The following CACHD1 variants were observed in gnomAD, a reference collection of about 807,000 sequenced individuals.
CACHD1 encodes the protein VWFA and cache domain-containing protein 1.
A neutral mutation model predicts 138.7 loss-of-function variants in CACHD1; 71 were observed. That is an observed-to-expected ratio of 0.51 (90% CI 0.42 to 0.62). CACHD1 has a LOEUF of 0.62. Ranked by LOEUF, CACHD1 falls within the 20% of genes least tolerant of loss-of-function variation. CACHD1 has a pLI of 0.00. For missense variants in CACHD1, 1,389 were observed against 1,625.3 expected (o/e 0.85, Z 2.50); for synonymous variants, 578 against 591.5 (o/e 0.98, Z 0.33).
intron 26 of CACHD1, among the ~76,000 whole-genome samples, chr1:64,685,010 T>C (rs1557557831): frequency 6.6e-6 from 1 of 152,126 alleles, no homozygotes; most frequent in Non-Finnish European, 1.5e-5. Flanking sequence ...GGTTTTTCCA[T>C]GTTGGTCAGG....
rs535825672 is a variant in CACHD1 at position 64,567,344 on chromosome 1, T to A, written c.262-14812T>A. 1.3e-3 allele frequency among the ~76,000 whole-genome samples: 204 copies of A among 152,188 alleles called. 2 individuals carry two copies. Among genetic ancestry groups the A allele is most frequent in the African/African-American group, 4.8e-3 (199 of 41,518 alleles). On this transcript the variant is annotated intron_variant, in intron 2 of 26. Coordinates refer to ENST00000651257, the MANE Select transcript of CACHD1 (RefSeq NM_020925.4). ...CATCTAGTGTGGCATTACCTTCATT[T>A]CTGTTCAAATTATGTATGTGTCCCT...
intron 4 of CACHD1, among the ~76,000 whole-genome samples, chr1:64,627,431 T>A (rs918598078): frequency 6.6e-6 from 1 of 152,014 alleles, no homozygotes. Flanking sequence ...AATAAAAAAA[T>A]AGAATAGGAA....
At chr1:64,592,330 A>C (rs1647113004) in intron 3 of CACHD1, among the ~76,000 whole-genome samples, 1 of 152,218 alleles carries the variant, frequency 6.6e-6, no homozygotes, top group Non-Finnish European at 1.5e-5. Flanking sequence ...ACATTGTACT[A>C]GGTACTGTCT....
At position 64,497,376 on chromosome 1, in the gene CACHD1, GA is replaced by G. The variant is rs375315649; in HGVS notation, c.198+26437del. Among the ~76,000 whole-genome samples, 52 of 152,272 alleles carry G rather than the reference GA, an allele frequency of 3.4e-4. No individual in the cohort carries two copies. The East Asian group carries it at 5.0e-3, about 15-fold the overall frequency. On this transcript the variant is annotated intron_variant, in intron 1 of 26. Transcript: ENST00000651257. ...TGCTTATTGTGCTTGTGGGCTGGGGGAAATAAAGACAGTCCTTCCTAGTTTT... is the reference window on the plus strand; with the variant it reads ...TGCTTATTGTGCTTGTGGGCTGGGGGAATAAAGACAGTCCTTCCTAGTTTT...
At position 64,653,731 on chromosome 1, in the gene CACHD1, A is replaced by T. The variant is rs1384607657; in HGVS notation, c.1541-27A>T. The T allele has an allele frequency of 1.9e-6, 3 of 1,603,208 alleles. No individual in the cohort carries two copies. The African/African-American group carries it at 4.0e-5, about 22-fold the overall frequency. ...AACTTCCTACAACATGTTTCTTATT[A>T]ACATGCATTTTGTTTTCTTATTGCA... On this transcript the variant is annotated intron_variant, in intron 10 of 26. Transcript: ENST00000651257.
chr1:64,577,073 A>G (rs752857826), intron 2 of CACHD1, among the ~76,000 whole-genome samples: 3 of 151,990 alleles, frequency 2.0e-5, no homozygotes, highest in African/African-American at 4.8e-5. Flanking sequence ...CCCTCTGGGT[A>G]GCTGGGACTA....
chr1:64,632,170 A>G (rs1479837813), intron 5 of CACHD1, among the ~76,000 whole-genome samples: 1 of 148,798 alleles, frequency 6.7e-6, no homozygotes, highest in Non-Finnish European at 1.5e-5. Context: ...GGTTGTGCAT[A>G]TTTTATATGA....
chr1:64,478,963 A>G (rs144273333), intron 1 of CACHD1, among the ~76,000 whole-genome samples: 24 of 151,930 alleles, frequency 1.6e-4, no homozygotes, highest in African/African-American at 5.6e-4. Flanking sequence ...ATTTTTGGCA[A>G]CTAATTCAGT....
At chr1:64,541,737 C>T (rs969713254) in intron 1 of CACHD1, among the ~76,000 whole-genome samples, 4 of 152,126 alleles carry the variant, frequency 2.6e-5, no homozygotes, top group East Asian at 1.9e-4. Context: ...GAGGCTGAGG[C>T]GAGAGGATCA....
intron 8 of CACHD1, among the ~76,000 whole-genome samples, chr1:64,643,473 G>C (rs1648795107): frequency 6.6e-6 from 1 of 152,050 alleles, no homozygotes; most frequent in South Asian, 2.1e-4. Context: ...TACTGCATAG[G>C]GTTGTTGTAA....
Position 64,629,501 on chromosome 1 carries a change from A to G in CACHD1, c.644+20A>G, listed in dbSNP as rs757344685. On this transcript the variant is annotated intron_variant, in intron 5 of 26. Transcript: ENST00000651257. ...CAGTAGGTATGTTGACTTGCATGCT[A>G]AAGTTTTTAATTATTGCTTAAGAGT... 6.8e-6 allele frequency: 11 copies of G among 1,610,250 alleles called. No homozygotes were observed. Among genetic ancestry groups the G allele is most frequent in the South Asian group, 1.1e-5 (1 of 90,144 alleles).
At chr1:64,645,415 C>T (rs2100667710) in intron 8 of CACHD1, among the ~76,000 whole-genome samples, 1 of 152,138 alleles carries the variant, frequency 6.6e-6, no homozygotes, top group East Asian at 1.9e-4. Flanking sequence ...TTACACATTG[C>T]ACAACTGTAT....
At chr1:64,573,447 A>G (rs546012322) in intron 2 of CACHD1, among the ~76,000 whole-genome samples, 1 of 152,330 alleles carries the variant, frequency 6.6e-6, no homozygotes, top group Non-Finnish European at 1.5e-5. Context: ...GCCACTGTAT[A>G]GTATTTGTAG....
intron 4 of CACHD1, among the ~76,000 whole-genome samples, chr1:64,611,633 A>G (rs1017252586): frequency 6.6e-6 from 1 of 152,134 alleles, no homozygotes; most frequent in African/African-American, 2.4e-5. Context: ...CCTCATCCAC[A>G]TGTGAGACCA....
At chr1:64,557,956 G>A (rs192785276) in intron 2 of CACHD1, among the ~76,000 whole-genome samples, 36 of 151,958 alleles carry the variant, frequency 2.4e-4, no homozygotes, top group African/African-American at 8.0e-4. Context: ...GTGCCTCCAC[G>A]CCCAGCTAAT....
chr1:64,638,036 T>C (rs1378902179), intron 7 of CACHD1, among the ~76,000 whole-genome samples: 1 of 152,182 alleles, frequency 6.6e-6, no homozygotes, highest in Non-Finnish European at 1.5e-5. Flanking sequence ...AAATATCCAA[T>C]GCATATTTCC....
intron 4 of CACHD1, among the ~76,000 whole-genome samples, chr1:64,618,815 C>A (rs1211435708): frequency 1.3e-5 from 2 of 152,116 alleles, no homozygotes; most frequent in Non-Finnish European, 2.9e-5. Context: ...GTCTGTGTCT[C>A]TGTGTATTTA....
At chr1:64,569,082 C>T (rs949597015) in intron 2 of CACHD1, among the ~76,000 whole-genome samples, 31 of 151,928 alleles carry the variant, frequency 2.0e-4, no homozygotes, top group East Asian at 1.4e-3. Flanking sequence ...CCACCACACC[C>T]GGCTAATTTT....
chr1:64,603,250 G>A (rs1447408998), intron 4 of CACHD1, among the ~76,000 whole-genome samples: 3 of 151,500 alleles, frequency 2.0e-5, no homozygotes, highest in African/African-American at 2.4e-5. Context: ...GACTACAGGC[G>A]CCCACCACCA....
Sources: gnomAD v4.1 joint callset for allele counts (sites outside exome capture counted in the v4.1 genomes callset) on GRCh38, gnomAD v4.1.1 for gene constraint, MANE v1.5 for transcripts, NCBI Gene and HGNC (gene_info 2026-07-23, HGNC 2026-07-21) for gene names.